Variants in NHLH1 observed in about 807,000 individuals in gnomAD.
The protein encoded by NHLH1 is helix-loop-helix protein 1.
A neutral mutation model predicts 6.7 loss-of-function variants in NHLH1; 3 were observed. That is an observed-to-expected ratio of 0.44 (90% CI 0.20 to 1.15). The LOEUF (loss-of-function observed/expected upper bound fraction) is 1.15, where lower values mean the gene tolerates loss of function less well. Ranked by LOEUF, NHLH1 falls within the 50% of genes most tolerant of loss-of-function variation. The probability of loss-of-function intolerance (pLI) is 0.26; values close to 1 mark genes in which losing one functional copy is unlikely to be tolerated. For missense variants in NHLH1, 177 were observed against 189.5 expected, an observed-to-expected ratio of 0.93 and a Z score of 0.39; for synonymous variants, 92 against 84.2, an observed-to-expected ratio of 1.09 and a Z score of -0.51.
chr1:160,367,874 G>A (rs1649528738), intron 1 of NHLH1, among the ~76,000 whole-genome samples: 1 of 152,192 alleles, frequency 6.6e-6, no homozygotes, highest in South Asian at 2.1e-4. Context: ...GGGGTGGGGA[G>A]TTGGGGGCAC....
chr1:160,372,372 C>CTTATTTAT lies in NHLH1; in HGVS notation c.*1248_*1255dup, dbSNP rs10637656. On this transcript the variant is annotated 3_prime_UTR_variant, in exon 2 of 2. Transcript: ENST00000302101. Reference sequence around the variant, plus strand: ...ATTTATTTATTCATCTATTTATTTACTTATTTATTTATTTATAAATATTGC... The same window carrying CTTATTTAT: ...ATTTATTTATTCATCTATTTATTTACTTATTTATTTATTTATTTATTTATAAATATTGC... 2.9e-4 allele frequency: 48 copies of CTTATTTAT among 165,538 alleles called. No individual in the cohort carries two copies. Among genetic ancestry groups the CTTATTTAT allele is most frequent in the African/African-American group, 8.3e-4 (34 of 40,900 alleles). 10.3% of individuals were successfully genotyped at this position (165,538 alleles called of 1,614,324 possible).
chr1:160,371,330 C>CT lies in NHLH1; in HGVS notation c.*198dup, dbSNP rs1346654233. On this transcript the variant is annotated 3_prime_UTR_variant, in exon 2 of 2. Transcript: ENST00000302101. ...CCCAGGCACCTCGAGGGCTATTCTC[C>CT]TGGGTTCCTTCCGGGGTTTATTGCT... The CT allele has an allele frequency of 1.6e-5, 13 of 819,856 alleles. No individual in the cohort carries two copies. The highest frequency in any genetic ancestry group is 2.4e-5 in the Non-Finnish European group (13 of 548,942). The allele number at this position is 819,856 out of a possible 1,614,324, so 50.8% of individuals were successfully genotyped here.
chr1:160,369,240 A>T lies in NHLH1; in HGVS notation c.-175-1317A>T, dbSNP rs566370968. On this transcript the variant is annotated intron_variant, in intron 1 of 1. Coordinates refer to ENST00000302101, the MANE Select transcript of NHLH1 (RefSeq NM_005598.4). ...TTATTTCACTTATCATCATATCCTC[A>T]AGGTTCATTCATGCTGTAGCATGTG... Among the ~76,000 whole-genome samples, 10 of 152,320 alleles carry T rather than the reference A, an allele frequency of 6.6e-5. No individual in the cohort carries two copies. The South Asian group carries it at 1.5e-3, about 22-fold the overall frequency.
intron 1 of NHLH1, 81 bp downstream of exon 1, chr1:160,367,418 C>G (rs937872698): frequency 1.3e-5 from 2 of 152,536 alleles, no homozygotes; most frequent in African/African-American, 2.4e-5. Context: ...GAGCCTCCCT[C>G]TAGTTCTCTC....
At position 160,370,547 on chromosome 1, in the gene NHLH1, T is replaced by A; in HGVS notation, c.-175-10T>A. 1 of 607,114 alleles carries A rather than the reference T, an allele frequency of 1.6e-6. No homozygotes were observed. Among genetic ancestry groups the A allele is most frequent in the Non-Finnish European group, 2.9e-6 (1 of 339,160 alleles). 37.6% of individuals were successfully genotyped at this position (607,114 alleles called of 1,614,324 possible). On this transcript the variant is annotated splice_polypyrimidine_tract_variant and intron_variant, in intron 1 of 1. Transcript: ENST00000302101. ...CTCCGCTGCTATCACTTCTCTCTTC[T>A]CTTTTTCAGGCTTCAGACTGGCACC...
At position 160,372,392 on chromosome 1, in the gene NHLH1, T is replaced by C. The variant is rs976747934; in HGVS notation, c.*1259T>C. Reference sequence around the variant, plus strand: ...ATTTACTTATTTATTTATTTATAAATATTGCTATTTATTGCCGAGTTGTGC... The same window carrying C: ...ATTTACTTATTTATTTATTTATAAACATTGCTATTTATTGCCGAGTTGTGC... On this transcript the variant is annotated 3_prime_UTR_variant, in exon 2 of 2. Transcript: ENST00000302101. The C allele has an allele frequency of 1.2e-5, 2 of 167,038 alleles. No individual in the cohort carries two copies. Among genetic ancestry groups the C allele is most frequent in the Non-Finnish European group, 2.9e-5 (2 of 68,112 alleles). 10.3% of individuals were successfully genotyped at this position (167,038 alleles called of 1,614,324 possible).
In NHLH1 at chr1:160,370,832, G is replaced by C. The variant is rs914387558; in HGVS notation, c.101G>C (p.Gly34Ala). 3 of 1,608,978 alleles carry C rather than the reference G, an allele frequency of 1.9e-6. No individual in the cohort carries two copies. Among genetic ancestry groups the C allele is most frequent in the Non-Finnish European group, 2.5e-6 (3 of 1,178,532 alleles). The change falls in exon 2 of 2, where the codon GGT (glycine) becomes GCT (alanine). Residue 34 changes from glycine to alanine, a missense_variant. Physicochemically the swap from Gly to Ala is moderately conservative, Grantham distance 60. Coordinates refer to ENST00000302101, the MANE Select transcript of NHLH1 (RefSeq NM_005598.4). ...TGTGGGGGCGGGGCGGGCCCTGATG[G>C]TGCCGGGCCTGGGGGTCCGGGAGGG... ...SDCGGGAGPD[G>A]AGPGGPGGGQ...
chr1:160,371,048 C>A lies in NHLH1; in HGVS notation c.317C>A (p.Pro106His). Residue 106 changes from proline (P) to histidine (H), a missense_variant, in exon 2 of 2, where the codon CCC becomes CAC. Coordinates refer to ENST00000302101, the MANE Select transcript of NHLH1 (RefSeq NM_005598.4). ...AELRKLLPTL[P>H]PDKKLSKIEI... is the part of the protein sequence containing the mutation. The stretch of plus-strand genomic sequence containing the variant: ...CTGCGCAAGCTGCTGCCTACGCTGC[C>A]CCCCGACAAGAAGCTCTCCAAGATT... The A allele has an allele frequency of 6.2e-7, 1 of 1,614,106 alleles. No individual in the cohort carries two copies. Among genetic ancestry groups the A allele is most frequent in the Non-Finnish European group, 8.5e-7 (1 of 1,180,000 alleles).
At chr1:160,367,890 A>G (rs1210492004) in intron 1 of NHLH1, among the ~76,000 whole-genome samples, 3 of 152,050 alleles carry the variant, frequency 2.0e-5, no homozygotes, top group South Asian at 4.2e-4. Context: ...GGCACTAAAC[A>G]TGTACTGGGA....
In NHLH1 at chr1:160,371,216, G is replaced by A; in HGVS notation, c.*83G>A. 1 of 1,514,834 alleles carries A rather than the reference G, an allele frequency of 6.6e-7. No homozygotes were observed. The highest frequency in any genetic ancestry group is 8.8e-7 in the Non-Finnish European group (1 of 1,133,764). The allele number at this position is 1,514,834 out of a possible 1,614,324, so 93.8% of individuals were successfully genotyped here. ...CTTAGAAAGGCCGCATCCTCCCCGA[G>A]CCCTTATACCTTGGCATGGAGTCCC... On this transcript the variant is annotated 3_prime_UTR_variant, in exon 2 of 2. Coordinates refer to ENST00000302101, the MANE Select transcript of NHLH1 (RefSeq NM_005598.4).
Position 160,371,041 on chromosome 1 carries a change from A to G in NHLH1, c.310A>G (p.Thr104Ala), listed in dbSNP as rs1287905973. The change falls in exon 2 of 2, where the codon ACG (threonine) becomes GCG (alanine). Residue 104 changes from threonine (T) to alanine (A), a missense_variant. Transcript: ENST00000302101. ...AFAELRKLLP[T>A]LPPDKKLSKI... is the part of the protein sequence containing the mutation. Reference sequence around the variant, plus strand: ...CGCCGAGCTGCGCAAGCTGCTGCCTACGCTGCCCCCCGACAAGAAGCTCTC... The same window carrying G: ...CGCCGAGCTGCGCAAGCTGCTGCCTGCGCTGCCCCCCGACAAGAAGCTCTC... 6 of 1,613,920 alleles carry G rather than the reference A, an allele frequency of 3.7e-6. No homozygotes were observed. Among genetic ancestry groups the G allele is most frequent in the Non-Finnish European group, 5.1e-6 (6 of 1,179,942 alleles).
Position 160,370,887 on chromosome 1 carries a change from G to A in NHLH1, c.156G>A (p.Glu52=). The part of the protein sequence containing the change: ...GGQARGPEPG[E]PGRKDLQHLS... The stretch of plus-strand genomic sequence containing the variant: ...AGGCCCGAGGCCCAGAGCCGGGAGA[G>A]CCTGGCCGGAAAGACCTGCAGCATC... The change falls in exon 2 of 2, where the codon GAG becomes GAA. Residue 52 remains glutamate, a synonymous_variant. Transcript: ENST00000302101. 1.2e-6 allele frequency: 2 copies of A among 1,606,738 alleles called. No homozygotes were observed. The highest frequency in any genetic ancestry group is 8.5e-7 in the Non-Finnish European group (1 of 1,176,780).
chr1:160,370,879 C>T lies in NHLH1; in HGVS notation c.148C>T (p.Pro50Ser), dbSNP rs549357315. 1.9e-6 allele frequency: 3 copies of T among 1,606,690 alleles called. No homozygotes were observed. In the East Asian group the frequency reaches 6.7e-5, roughly 36 times the overall value. ...AGGGGGCCAGGCCCGAGGCCCAGAGCCGGGAGAGCCTGGCCGGAAAGACCT... is the reference window on the plus strand; with the variant it reads ...AGGGGGCCAGGCCCGAGGCCCAGAGTCGGGAGAGCCTGGCCGGAAAGACCT... ...PGGGQARGPE[P>S]GEPGRKDLQH... The change falls in exon 2 of 2, where the codon CCG becomes TCG. Residue 50 changes from proline (P) to serine (S), a missense_variant. Transcript: ENST00000302101.
In NHLH1 at chr1:160,370,890, T is replaced by G. The variant is rs1268200522; in HGVS notation, c.159T>G (p.Pro53=). 1.9e-6 allele frequency: 3 copies of G among 1,605,698 alleles called. No individual in the cohort carries two copies. The highest frequency in any genetic ancestry group is 3.4e-5 in the Admixed American group (2 of 59,016). The change falls in exon 2 of 2, where the codon CCT becomes CCG. Residue 53 remains proline (P), a synonymous_variant. Transcript: ENST00000302101. ...GQARGPEPGE[P]GRKDLQHLSR... is the part of the protein sequence containing the mutation. ...CCCGAGGCCCAGAGCCGGGAGAGCC[T>G]GGCCGGAAAGACCTGCAGCATCTGA... is the stretch of plus-strand genomic sequence containing the variant.
rs200667184 is a variant in NHLH1 at position 160,370,883 on chromosome 1, G to A, written c.152G>A (p.Gly51Glu). ...GGCCAGGCCCGAGGCCCAGAGCCGG[G>A]AGAGCCTGGCCGGAAAGACCTGCAG... ...GGGQARGPEP[G>E]EPGRKDLQHL... Residue 51 changes from glycine to glutamate, a missense_variant, in exon 2 of 2, where the codon GGA becomes GAA. Coordinates refer to ENST00000302101, the MANE Select transcript of NHLH1 (RefSeq NM_005598.4). 6.2e-7 allele frequency: 1 copy of A among 1,607,048 alleles called. No homozygotes were observed. The highest frequency in any genetic ancestry group is 8.5e-7 in the Non-Finnish European group (1 of 1,176,934).
In NHLH1 at chr1:160,371,252, G is replaced by A. The variant is rs2101921283; in HGVS notation, c.*119G>A. ...TTGGCATGGAGTCCCAAAGGCCCTG[G>A]GCACAGGCAGAGAGCCCACCGGCTG... On this transcript the variant is annotated 3_prime_UTR_variant, in exon 2 of 2. Coordinates refer to ENST00000302101, the MANE Select transcript of NHLH1 (RefSeq NM_005598.4). 6.9e-7 allele frequency: 1 copy of A among 1,456,654 alleles called. No homozygotes were observed. 90.2% of individuals were successfully genotyped at this position (1,456,654 alleles called of 1,614,324 possible).
chr1:160,369,572 C>T (rs1033113804), intron 1 of NHLH1, among the ~76,000 whole-genome samples: 1 of 152,162 alleles, frequency 6.6e-6, no homozygotes, highest in Non-Finnish European at 1.5e-5. Flanking sequence ...TCCAATTTCT[C>T]CACATCCTTG....
chr1:160,370,845 G>C lies in NHLH1; in HGVS notation c.114G>C (p.Gly38=), dbSNP rs1557894436. 4.4e-6 allele frequency: 7 copies of C among 1,606,578 alleles called. No homozygotes were observed. The highest frequency in any genetic ancestry group is 5.1e-6 in the Non-Finnish European group (6 of 1,177,148). The change falls in exon 2 of 2, where the codon GGG becomes GGC. Residue 38 remains glycine, a synonymous_variant. Transcript: ENST00000302101. ...GGAGPDGAGP[G]GPGGGQARGP... is the part of the protein sequence containing the mutation. ...CGGGCCCTGATGGTGCCGGGCCTGG[G>C]GGTCCGGGAGGGGGCCAGGCCCGAG...
chr1:160,368,497 C>T (rs572811773), intron 1 of NHLH1, among the ~76,000 whole-genome samples: 2 of 152,276 alleles, frequency 1.3e-5, no homozygotes, highest in South Asian at 2.1e-4. Context: ...GTTCCCTTTC[C>T]CCAATCTTCC....
Sources: allele counts gnomAD v4.1 joint callset (sites outside exome capture counted in the v4.1 genomes callset), GRCh38; gene constraint gnomAD v4.1.1; transcripts MANE v1.5; gene names NCBI Gene and HGNC (gene_info 2026-07-23, HGNC 2026-07-21).